The following CXADR variants were observed in gnomAD, a reference collection of about 807,000 sequenced individuals.
CXADR encodes the protein CXADR cell adhesion molecule.
CXADR carries 20 observed loss-of-function variants against 40.3 expected under a neutral mutation model. That is an observed-to-expected ratio of 0.50 (90% CI 0.35 to 0.72). CXADR has a LOEUF of 0.72. CXADR is among the 30% of genes least tolerant of loss of function. CXADR has a pLI of 0.01. For missense variants in CXADR, 332 were observed against 449.1 expected, an observed-to-expected ratio of 0.74 and a Z score of 2.36; for synonymous variants, 150 against 161.3, an observed-to-expected ratio of 0.93 and a Z score of 0.53.
chr21:17,558,213 C>G (rs908942535), intron 3 of CXADR, among the ~76,000 whole-genome samples: 1 of 152,030 alleles, frequency 6.6e-6, no homozygotes, highest in African/African-American at 2.4e-5. Flanking sequence ...ACTGCAGCCT[C>G]AAAATCCTGG....
chr21:17,564,695 AT>A (rs2061179171), intron 6 of CXADR, among the ~76,000 whole-genome samples: 1 of 151,600 alleles, frequency 6.6e-6, no homozygotes, highest in South Asian at 2.1e-4. Flanking sequence ...TATAAAAAGA[AT>A]TTTTTCTTTT....
chr21:17,561,413 TC>T lies in CXADR; in HGVS notation c.771del (p.Cys259AlafsTer82), dbSNP rs2061118860. 1 of 1,612,830 alleles carries T rather than the reference TC, an allele frequency of 6.2e-7. No homozygotes were observed. Among genetic ancestry groups the T allele is most frequent in the African/African-American group, 1.3e-5 (1 of 74,914 alleles). ...GCTCTAGCGCTCATTGGTCTTATCA[TC>T]TTTTGCTGTCGTAAAAAGCGCAGAG... ...LLALALIGLI[I>X]FCCRKKRREE... On this transcript the variant is annotated frameshift_variant, in exon 6 of 7. Transcript: ENST00000284878. LOFTEE classifies it high-confidence loss of function.
intron 2 of CXADR, among the ~76,000 whole-genome samples, chr21:17,551,483 G>A (rs1303119886): frequency 6.6e-6 from 1 of 152,126 alleles, no homozygotes; most frequent in Non-Finnish European, 1.5e-5. Flanking sequence ...GGACAGTATA[G>A]GGCTTTACTA....
At chr21:17,538,810 C>A (rs1342490074) in intron 1 of CXADR, among the ~76,000 whole-genome samples, 3 of 151,824 alleles carry the variant, frequency 2.0e-5, no homozygotes, top group Admixed American at 6.6e-5. Flanking sequence ...AGAGTGAGAC[C>A]CTGTTTCAAA....
chr21:17,598,558 C>A, downstream of CXADR: 1 of 1,452,234 alleles, frequency 6.9e-7, no homozygotes. Flanking sequence ...GTAGGACTAC[C>A]TGAAAGGTCC....
At chr21:17,563,768 C>T (rs1299768723) in intron 6 of CXADR, among the ~76,000 whole-genome samples, 4 of 150,828 alleles carry the variant, frequency 2.7e-5, no homozygotes, top group East Asian at 2.0e-4. Context: ...GGTGAAACCC[C>T]GTCTCTACTA....
At chr21:17,581,371 T>C (rs1305057416) in intron 7 of CXADR, among the ~76,000 whole-genome samples, 1 of 152,192 alleles carries the variant, frequency 6.6e-6, no homozygotes, top group Non-Finnish European at 1.5e-5. Flanking sequence ...TAAAACAGCA[T>C]CCTAAGTGTT....
At chr21:17,554,510 G>A (rs1569120715) in intron 3 of CXADR, among the ~76,000 whole-genome samples, 5 of 152,140 alleles carry the variant, frequency 3.3e-5, no homozygotes, top group Non-Finnish European at 1.5e-5. Flanking sequence ...GGGATAAACT[G>A]GGGATGAGAG....
Position 17,566,154 on chromosome 21 carries a change from A to G in CXADR, c.*462A>G, listed in dbSNP as rs1450331239. 6 of 984,918 alleles carry G rather than the reference A, an allele frequency of 6.1e-6. No individual in the cohort carries two copies. In the African/African-American group the frequency reaches 1.0e-4, roughly 17 times the overall value. The allele number at this position is 984,918 out of a possible 1,614,324, so 61.0% of individuals were successfully genotyped here. ...CCAAATTAGTACAGAAATATCCATG[A>G]CAAAATTACTTACGTATGTTTGTAC... On this transcript the variant is annotated 3_prime_UTR_variant, in exon 7 of 7. Coordinates refer to ENST00000284878, the MANE Select transcript of CXADR (RefSeq NM_001338.5).
intron 1 of CXADR, among the ~76,000 whole-genome samples, chr21:17,540,471 T>C (rs1299591644): frequency 1.3e-5 from 2 of 152,182 alleles, no homozygotes; most frequent in African/African-American, 2.4e-5. Flanking sequence ...CATACTTCTA[T>C]TTATATGAGT....
chr21:17,517,153 G>A (rs552613660), intron 1 of CXADR, among the ~76,000 whole-genome samples: 1 of 152,246 alleles, frequency 6.6e-6, no homozygotes, highest in South Asian at 2.1e-4. Flanking sequence ...GATGGGCCAG[G>A]AAATGATATA....
At chr21:17,598,642 G>A in the CXADR span, 1 of 1,614,066 alleles carries the variant, frequency 6.2e-7, no homozygotes, top group Admixed American at 1.7e-5. Context: ...TGCGGCTGCA[G>A]TCACCGAACT....
chr21:17,601,689 A>G, the CXADR span, among the ~76,000 whole-genome samples: 2 of 152,230 alleles, frequency 1.3e-5, no homozygotes, highest in African/African-American at 4.8e-5. Context: ...TTTCAAGACA[A>G]TCAAGGGTTA....
chr21:17,595,825 A>G (rs779401145), downstream of CXADR, among the ~76,000 whole-genome samples: 2 of 152,040 alleles, frequency 1.3e-5, no homozygotes, highest in Non-Finnish European at 2.9e-5. Context: ...ACTGCTGAGT[A>G]ATAGAAGAGT....
intron 1 of CXADR, among the ~76,000 whole-genome samples, chr21:17,543,311 AC>A (rs2060853572): frequency 1.3e-5 from 2 of 152,168 alleles, no homozygotes; most frequent in African/African-American, 4.8e-5. Context: ...TATGTATCAA[AC>A]GAGAAAGAAA....
Position 17,569,534 on chromosome 21 carries a change from C to G in CXADR, c.*3842C>G. 1.0e-6 allele frequency: 1 copy of G among 985,170 alleles called. No homozygotes were observed. The highest frequency in any genetic ancestry group is 1.2e-6 in the Non-Finnish European group (1 of 829,862). The allele number at this position is 985,170 out of a possible 1,614,324, so 61.0% of individuals were successfully genotyped here. Reference sequence around the variant, plus strand: ...TTACCTATTTTAACACTAAAATAGACCACAACTGAGCACAAATTCCTTTTA... The same window carrying G: ...TTACCTATTTTAACACTAAAATAGAGCACAACTGAGCACAAATTCCTTTTA... On this transcript the variant is annotated 3_prime_UTR_variant, in exon 7 of 7. Transcript: ENST00000284878.
chr21:17,585,798 A>G (rs1008366258), intron 7 of CXADR, among the ~76,000 whole-genome samples: 8 of 152,134 alleles, frequency 5.3e-5, no homozygotes, highest in African/African-American at 1.7e-4. Flanking sequence ...GATTACAGGC[A>G]TGAGCCACCG....
At chr21:17,519,128 C>T in intron 1 of CXADR, 1 of 699,842 alleles carries the variant, frequency 1.4e-6, no homozygotes, top group Non-Finnish European at 2.5e-6. Context: ...AATGCCTCCC[C>T]TCCAAGGCAA....
chr21:17,593,488 T>C (rs906949136), exon 8 of CXADR: 4 of 216,498 alleles, frequency 1.8e-5, no homozygotes, highest in Non-Finnish European at 2.7e-5. Context: ...CATATGCATA[T>C]TCTGATATGT....
Sources: allele counts gnomAD v4.1 joint callset (sites outside exome capture counted in the v4.1 genomes callset), GRCh38; gene constraint gnomAD v4.1.1; transcripts MANE v1.5; gene names NCBI Gene and HGNC (gene_info 2026-07-23, HGNC 2026-07-21).